The following DGLUCY variants were observed in gnomAD, a reference collection of about 807,000 sequenced individuals.
DGLUCY encodes D-glutamate cyclase.
DGLUCY carries 58 observed loss-of-function variants against 58.5 expected under a neutral mutation model. That is an observed-to-expected ratio of 0.99 (90% CI 0.80 to 1.23). The LOEUF is 1.23. Ranked by LOEUF, DGLUCY falls within the 50% of genes most tolerant of loss-of-function variation. The probability of loss-of-function intolerance (pLI) is 0.00; values close to 1 mark genes in which losing one functional copy is unlikely to be tolerated. For missense variants in DGLUCY, 779 were observed against 784.7 expected (o/e 0.99, Z 0.09); for synonymous variants, 325 against 314.1 (o/e 1.03, Z -0.37).
At position 91,134,640 on chromosome 14, in the gene DGLUCY, G is replaced by A. The variant is rs1008762301; in HGVS notation, c.-82+20357G>A. Among the ~76,000 whole-genome samples, 4 of 151,890 alleles carry A rather than the reference G, an allele frequency of 2.6e-5. No individual in the cohort carries two copies. The East Asian group carries it at 5.8e-4, about 22-fold the overall frequency. On this transcript the variant is annotated intron_variant, in intron 1 of 13. Coordinates refer to ENST00000256324, the MANE Select transcript of DGLUCY (RefSeq NM_001102368.3). Reference sequence around the variant, plus strand: ...TTTAGTAGAGACAGGGTTTCGCCATGTTGCCCAGGCTGCTCTCAAGCTCCT... The same window carrying A: ...TTTAGTAGAGACAGGGTTTCGCCATATTGCCCAGGCTGCTCTCAAGCTCCT...
At chr14:91,111,316 C>T (rs1293998359), upstream of DGLUCY, among the ~76,000 whole-genome samples, 5 of 145,968 alleles carry the variant, frequency 3.4e-5, no homozygotes, top group Admixed American at 7.1e-5. Context: ...GAGTCTCACT[C>T]GGTGGCCAGG....
intron 1 of DGLUCY, among the ~76,000 whole-genome samples, chr14:91,068,666 C>T (rs2043867013): frequency 6.6e-6 from 1 of 151,924 alleles, no homozygotes; most frequent in Admixed American, 6.6e-5. Context: ...CGAAACTCCA[C>T]CTCAAAAAAA....
intron 1 of DGLUCY, among the ~76,000 whole-genome samples, chr14:91,122,411 C>A (rs1249575357): frequency 1.3e-5 from 2 of 151,718 alleles, no homozygotes; most frequent in African/African-American, 4.8e-5. Flanking sequence ...CCTTGGCCTC[C>A]CAAAGTGTTA....
intron 1 of DGLUCY, among the ~76,000 whole-genome samples, chr14:91,075,599 G>A (rs1053281606): frequency 3.3e-5 from 5 of 152,126 alleles, no homozygotes; most frequent in African/African-American, 1.2e-4. Context: ...TTATTTTCCT[G>A]CTTGCTTTAG....
exon 1 of DGLUCY, chr14:91,060,381 G>C: frequency 6.6e-7 from 1 of 1,504,590 alleles, no homozygotes. Context: ...CTCCGTCGCC[G>C]CCGTCCGCGC....
intron 13 of DGLUCY, among the ~76,000 whole-genome samples, chr14:91,219,899 G>C (rs1317276537): frequency 6.6e-6 from 1 of 152,198 alleles, no homozygotes; most frequent in East Asian, 1.9e-4. Flanking sequence ...CAGGGTGACA[G>C]AGCTCTGGGC....
chr14:91,136,638 A>T (rs2046353594), intron 1 of DGLUCY, among the ~76,000 whole-genome samples: 1 of 150,904 alleles, frequency 6.6e-6, no homozygotes, highest in African/African-American at 2.4e-5. Flanking sequence ...GAGCTGAGAC[A>T]TACCACTGCC....
intron 12 of DGLUCY, among the ~76,000 whole-genome samples, chr14:91,214,028 G>T (rs753826894): frequency 7.4e-4 from 43 of 58,024 alleles, no homozygotes; most frequent in Non-Finnish European, 1.2e-3. Flanking sequence ...TATTTTTTTT[G>T]TTTGTTTTTC....
chr14:91,068,079 GCACACACACACACACACACACACA>G (rs57428509), intron 1 of DGLUCY, among the ~76,000 whole-genome samples: 41 of 146,340 alleles, frequency 2.8e-4, no homozygotes, highest in Non-Finnish European at 3.4e-4. Context: ...ACACGCGCAC[GCACACACACACACACACACACACA>G]CACACACACA....
At chr14:91,196,332 A>G (rs1566999133) in intron 9 of DGLUCY, 43 bp from the exon 10 acceptor site, 1 of 1,559,270 alleles carries the variant, frequency 6.4e-7, no homozygotes. Flanking sequence ...TCCAAAAGCC[A>G]ACACTAGAGC....
At chr14:91,189,988 T>C (rs1006232189) in intron 9 of DGLUCY, among the ~76,000 whole-genome samples, 2,269 of 126,198 alleles carry the variant, frequency 0.018, 81 homozygotes, top group African/African-American at 0.078. Context: ...CTTTTTTTTT[T>C]TTTTTTTTTT....
chr14:91,192,624 A>G (rs2049966675), intron 9 of DGLUCY, among the ~76,000 whole-genome samples: 1 of 151,748 alleles, frequency 6.6e-6, no homozygotes, highest in African/African-American at 2.4e-5. Context: ...TCATAACAAA[A>G]CCCCATTTCT....
In DGLUCY at chr14:91,196,623, CAA is replaced by C. The variant is rs2140553644; in HGVS notation, c.1295+151_1295+152del. ...GATGGGTTCTCATGGACCAGACTAA[CAA>C]ATGAGGCTGGGGGGTTTCAAGGTAT... On this transcript the variant is annotated intron_variant, in intron 10 of 13. Coordinates refer to ENST00000256324, the MANE Select transcript of DGLUCY (RefSeq NM_001102368.3). 6.2e-6 allele frequency: 4 copies of C among 643,826 alleles called. No homozygotes were observed. The East Asian group carries it at 1.1e-4, about 18-fold the overall frequency. The allele number at this position is 643,826 out of a possible 1,614,324, so 39.9% of individuals were successfully genotyped here.
At chr14:91,172,590 T>A (rs907684641) in intron 5 of DGLUCY, among the ~76,000 whole-genome samples, 1 of 152,198 alleles carries the variant, frequency 6.6e-6, no homozygotes, top group African/African-American at 2.4e-5. Flanking sequence ...ATAGTAGAAC[T>A]GGCATCTTGT....
chr14:91,124,928 C>G lies in DGLUCY; in HGVS notation c.-82+10645C>G, dbSNP rs143205843. Reference sequence around the variant, plus strand: ...CCTGGCATGCTTATACTGGTCCAAGCAAGTATTAGGTCATAGCCTGTTCCT... The same window carrying G: ...CCTGGCATGCTTATACTGGTCCAAGGAAGTATTAGGTCATAGCCTGTTCCT... On this transcript the variant is annotated intron_variant, in intron 1 of 13. Coordinates refer to ENST00000256324, the MANE Select transcript of DGLUCY (RefSeq NM_001102368.3). 1.5e-3 allele frequency among the ~76,000 whole-genome samples: 228 copies of G among 152,334 alleles called. 1 individual carries two copies. The highest frequency in any genetic ancestry group is 5.2e-3 in the African/African-American group (218 of 41,586).
chr14:91,084,652 AC>A (rs1389491848), intron 1 of DGLUCY, among the ~76,000 whole-genome samples: 1 of 152,078 alleles, frequency 6.6e-6, no homozygotes, highest in East Asian at 1.9e-4. Flanking sequence ...CCTGAATCTC[AC>A]CAGGGTGCTT....
At chr14:91,089,188 C>T (rs2044269456) in intron 1 of DGLUCY, among the ~76,000 whole-genome samples, 1 of 152,194 alleles carries the variant, frequency 6.6e-6, no homozygotes. Flanking sequence ...TAAGTTTCTT[C>T]CTGGGTATTT....
At chr14:91,066,065 AT>A (rs1323338486) in intron 1 of DGLUCY, among the ~76,000 whole-genome samples, 15 of 152,202 alleles carry the variant, frequency 9.9e-5, no homozygotes, top group African/African-American at 3.6e-4. Flanking sequence ...CCTTGAAAAT[AT>A]GTTTCTTCCT....
intron 1 of DGLUCY, among the ~76,000 whole-genome samples, chr14:91,088,655 C>T (rs1269358233): frequency 6.6e-6 from 1 of 152,208 alleles, no homozygotes; most frequent in Non-Finnish European, 1.5e-5. Context: ...GAAGAGGACC[C>T]TTTTCCATAG....
Sources: allele counts gnomAD v4.1 joint callset (sites outside exome capture counted in the v4.1 genomes callset), GRCh38; gene constraint gnomAD v4.1.1; transcripts MANE v1.5; gene names NCBI Gene and HGNC (gene_info 2026-07-23, HGNC 2026-07-21).